The following MED12L variants were observed in gnomAD, a reference collection of about 807,000 sequenced individuals.
MED12L encodes mediator complex subunit 12L.
Under a neutral mutation model 281.3 loss-of-function variants are expected in MED12L, and 60 were observed. The observed-to-expected ratio is 0.21, with a 90% confidence interval of 0.17 to 0.26. MED12L has a LOEUF of 0.26. MED12L is among the 10% of genes least tolerant of loss of function. The probability of loss-of-function intolerance (pLI) is 1.00; values close to 1 mark genes in which losing one functional copy is unlikely to be tolerated. For synonymous variants in MED12L, 974 were observed against 987.2 expected (o/e 0.99, Z 0.25); for missense variants, 2,146 against 2,680.9 (o/e 0.80, Z 4.41).
At chr3:151,191,544 G>A (rs1470991515) in intron 14 of MED12L, among the ~76,000 whole-genome samples, 2 of 152,122 alleles carry the variant, frequency 1.3e-5, no homozygotes, top group South Asian at 4.1e-4. Flanking sequence ...AAATTTTCAA[G>A]GCAAAAAAGA....
rs1358692490 is a variant in MED12L, at chr3:151,218,825, C to T, written c.2250+25159C>T. ...GAGGTTGCAGTGAGCCGAGATCCCA[C>T]CATTGCACTCCAGCCTGGGTGACAG... On this transcript the variant is annotated intron_variant, in intron 16 of 44. Coordinates refer to ENST00000687756, the MANE Select transcript of MED12L (RefSeq NM_001393769.1). Among the ~76,000 whole-genome samples the T allele has an allele frequency of 4.4e-5, 6 of 135,624 alleles. No homozygotes were observed. In the East Asian group the frequency reaches 1.3e-3, roughly 29 times the overall value. 89.0% of individuals were successfully genotyped at this position (135,624 alleles called of 152,430 possible). A position where few individuals can be genotyped will look rare whatever the true frequency, so the allele number is the denominator to read the frequency against.
Position 151,377,965 on chromosome 3 carries a change from AG to A in MED12L, c.4317-43del. Reference sequence around the variant, plus strand: ...GAGTTTCTGTTATAACTGTGAGAGCAGGGGAAAGGATGCTTTCTCCGGTGTA... The same window carrying A: ...GAGTTTCTGTTATAACTGTGAGAGCAGGGAAAGGATGCTTTCTCCGGTGTA... On this transcript the variant is annotated intron_variant, in intron 30 of 44. Transcript: ENST00000687756. The A allele has an allele frequency of 2.6e-6, 4 of 1,509,812 alleles. No homozygotes were observed. In the South Asian group the frequency reaches 5.2e-5, roughly 20 times the overall value. 93.5% of individuals were successfully genotyped at this position (1,509,812 alleles called of 1,614,324 possible).
chr3:151,291,398 G>T (rs1451820810), intron 16 of MED12L, among the ~76,000 whole-genome samples: 1 of 152,026 alleles, frequency 6.6e-6, no homozygotes, highest in Non-Finnish European at 1.5e-5. Flanking sequence ...GTGGTTTAAT[G>T]AATATAACAG....
chr3:151,431,876 C>T (rs1719576007), intron 44 of MED12L, among the ~76,000 whole-genome samples: 2 of 152,124 alleles, frequency 1.3e-5, no homozygotes, highest in South Asian at 2.1e-4. Context: ...ATTACTGTTC[C>T]CACATTACAG....
At chr3:151,119,312 TG>T (rs34250290) in intron 3 of MED12L, among the ~76,000 whole-genome samples, 33,232 of 151,992 alleles carry the variant, frequency 0.22, 3,910 homozygotes, top group African/African-American at 0.32. Flanking sequence ...TACTTCAGAC[TG>T]GGTGTCTTAA....
chr3:151,357,590 C>T (rs1450720777), intron 20 of MED12L, among the ~76,000 whole-genome samples: 1 of 152,190 alleles, frequency 6.6e-6, no homozygotes, highest in African/African-American at 2.4e-5. Flanking sequence ...TTCCCTTCCT[C>T]CTTGCCTTTC....
At chr3:151,213,830 T>G in intron 16 of MED12L, 1 of 1,614,108 alleles carries the variant, frequency 6.2e-7, no homozygotes, top group Non-Finnish European at 8.5e-7. Flanking sequence ...TCCCTAACAC[T>G]CTGGTTGGTG....
At chr3:151,378,337 A>T (rs894910435) in intron 31 of MED12L, among the ~76,000 whole-genome samples, 164 bp downstream of exon 31, 31 of 152,326 alleles carry the variant, frequency 2.0e-4, no homozygotes, top group Admixed American at 3.3e-4. Flanking sequence ...TTCCTAAAAA[A>T]TTTCAGGTTA....
At chr3:151,241,139 T>C (rs1245335765) in intron 16 of MED12L, among the ~76,000 whole-genome samples, 2 of 152,214 alleles carry the variant, frequency 1.3e-5, no homozygotes, top group African/African-American at 2.4e-5. Flanking sequence ...ATAAAAATTA[T>C]GTAAAATATC....
At chr3:151,416,176 T>C in intron 42 of MED12L, 136 bp from the exon 43 acceptor site, 2 of 1,495,600 alleles carry the variant, frequency 1.3e-6, no homozygotes, top group Non-Finnish European at 9.2e-7. Context: ...TTCAGCAAGG[T>C]AGAGATGCAG....
Position 151,122,807 on chromosome 3 carries a change from T to C in MED12L, c.229T>C (p.Leu77=). 2 of 1,606,280 alleles carry C rather than the reference T, an allele frequency of 1.2e-6. No individual in the cohort carries two copies. Among genetic ancestry groups the C allele is most frequent in the Middle Eastern group, 1.7e-4 (1 of 6,032 alleles). ...SKIGAYFSSI[L]AEKLKLNTFQ... is the part of the protein sequence containing the mutation. ...GATTGGAGCTTATTTTAGCAGCATATTAGCTGAGAAACTGAAGCTTAACAC... is the reference window on the plus strand; with the variant it reads ...GATTGGAGCTTATTTTAGCAGCATACTAGCTGAGAAACTGAAGCTTAACAC... Residue 77 remains leucine (L), a synonymous_variant, in exon 4 of 45, where the codon TTA becomes CTA. Coordinates refer to ENST00000687756, the MANE Select transcript of MED12L (RefSeq NM_001393769.1).
At position 151,433,210 on chromosome 3, in the gene MED12L, T is replaced by C. The variant is rs1337637799; in HGVS notation, c.*406T>C. ...TTTTTTAATTTTATTTTCCAAACTGTGCTGGACCAAACTACTGATTTGAAA... is the reference window on the plus strand; with the variant it reads ...TTTTTTAATTTTATTTTCCAAACTGCGCTGGACCAAACTACTGATTTGAAA... On this transcript the variant is annotated 3_prime_UTR_variant, in exon 45 of 45. Transcript: ENST00000687756. 6.3e-6 allele frequency: 1 copy of C among 158,068 alleles called. No individual in the cohort carries two copies. Among genetic ancestry groups the C allele is most frequent in the Non-Finnish European group, 1.4e-5 (1 of 71,758 alleles). The allele number at this position is 158,068 out of a possible 1,614,324, so 9.8% of individuals were successfully genotyped here.
intron 39 of MED12L, among the ~76,000 whole-genome samples, chr3:151,395,224 C>G (rs2108260539): frequency 6.6e-6 from 1 of 152,256 alleles, no homozygotes; most frequent in East Asian, 1.9e-4. Flanking sequence ...GTACTACTTT[C>G]AGCTCTTGTG....
At chr3:151,256,866 T>G (rs549096759) in intron 16 of MED12L, among the ~76,000 whole-genome samples, 92 of 151,888 alleles carry the variant, frequency 6.1e-4, no homozygotes, top group Middle Eastern at 6.8e-3. Flanking sequence ...TTTTGTTGTT[T>G]TTTTTTTTAA....
At chr3:151,372,832 A>G (rs982009995) in intron 27 of MED12L, 66 bp downstream of exon 27, 8 of 1,297,382 alleles carry the variant, frequency 6.2e-6, no homozygotes, top group Admixed American at 5.7e-5. Flanking sequence ...AGCTACTTAC[A>G]CTTATAGGAA....
chr3:151,152,085 G>GCTTTTTTTTTTTTTTTTTTTTTTTTTT (rs1269821388), intron 5 of MED12L, among the ~76,000 whole-genome samples: 1 of 62,984 alleles, frequency 1.6e-5, no homozygotes, highest in African/African-American at 6.3e-5. Flanking sequence ...GTTGAAGGTG[G>GCTTTTTTTTTTTTTTTTTTTTTTTTTT]TTTTTTTTTT....
intron 16 of MED12L, 52 bp from the exon 17 acceptor site, chr3:151,350,007 G>A: frequency 6.4e-7 from 1 of 1,571,824 alleles, no homozygotes; most frequent in South Asian, 1.2e-5. Context: ...GATATGAAAT[G>A]CAACCCCACC....
At chr3:151,103,182 C>CTTCTTTCT (rs3070905) in intron 2 of MED12L, among the ~76,000 whole-genome samples, 77,206 of 151,528 alleles carry the variant, frequency 0.51, 22,006 homozygotes, top group African/African-American at 0.79. Flanking sequence ...TACCTTAAGT[C>CTTCTTTCT]TGCTTTATGA....
At chr3:151,314,153 A>G (rs937124) in intron 16 of MED12L, among the ~76,000 whole-genome samples, 126,144 of 152,188 alleles carry the variant, frequency 0.83, 52,607 homozygotes, top group African/African-American at 0.93. Flanking sequence ...TCATTGATAT[A>G]AATGACTTAA....
Sources: gnomAD v4.1 joint callset for allele counts (sites outside exome capture counted in the v4.1 genomes callset) on GRCh38, gnomAD v4.1.1 for gene constraint, MANE v1.5 for transcripts, NCBI Gene and HGNC (gene_info 2026-07-23, HGNC 2026-07-21) for gene names.